Variants in NACC2 observed in about 807,000 individuals in gnomAD.
The protein encoded by NACC2 is NACC family member 2, also known as nucleus accumbens-associated protein 2.
A neutral mutation model predicts 25.1 loss-of-function variants in NACC2; 8 were observed. The observed-to-expected ratio is 0.32, with a 90% confidence interval of 0.19 to 0.57. The LOEUF (loss-of-function observed/expected upper bound fraction) is 0.57, where lower values mean the gene tolerates loss of function less well. Among genes scored for constraint, NACC2 ranks in the 20% least tolerant of loss-of-function variants. The probability of loss-of-function intolerance (pLI) is 0.89; values close to 1 mark genes in which losing one functional copy is unlikely to be tolerated. For synonymous variants in NACC2, 435 were observed against 294.7 expected, an observed-to-expected ratio of 1.48 and a Z score of -4.88; for missense variants, 644 against 650.2, an observed-to-expected ratio of 0.99 and a Z score of 0.10.
chr9:136,032,628 G>A (rs1840490545), intron 2 of NACC2, among the ~76,000 whole-genome samples: 1 of 152,232 alleles, frequency 6.6e-6, no homozygotes, highest in African/African-American at 2.4e-5. Context: ...CAGGCCTGGT[G>A]GCTCACGTAG....
intron 1 of NACC2, among the ~76,000 whole-genome samples, chr9:136,064,564 T>C (rs1458650359): frequency 1.3e-5 from 2 of 152,136 alleles, no homozygotes; most frequent in African/African-American, 4.8e-5. Flanking sequence ...TCTAAAGAAG[T>C]AAAACATCCA....
At chr9:136,067,446 G>A (rs927930999) in intron 1 of NACC2, among the ~76,000 whole-genome samples, 1 of 152,048 alleles carries the variant, frequency 6.6e-6, no homozygotes, top group Non-Finnish European at 1.5e-5. Context: ...TTAACGACGG[G>A]GATATATCCT....
At position 136,086,777 on chromosome 9, in the gene NACC2, T is replaced by A. The variant is rs1002476802; in HGVS notation, c.-60+8412A>T. Among the ~76,000 whole-genome samples, 2 of 152,124 alleles carry A rather than the reference T, an allele frequency of 1.3e-5. No individual in the cohort carries two copies. Among genetic ancestry groups the A allele is most frequent in the African/African-American group, 2.4e-5 (1 of 41,424 alleles). On this transcript the variant is annotated intron_variant, in intron 1 of 5. Transcript: ENST00000277554. The surrounding 1 kb of genome is among the most constrained non-coding windows in gnomAD (Gnocchi z 5.6). ...TGGGCCTGGAGCTGGCCAGCTGCACTGGTTTCACGCCCATCCAGGTGCCAT... is the reference window on the plus strand; with the variant it reads ...TGGGCCTGGAGCTGGCCAGCTGCACAGGTTTCACGCCCATCCAGGTGCCAT...
At chr9:136,031,278 C>T (rs913245989) in intron 2 of NACC2, among the ~76,000 whole-genome samples, 16 of 152,084 alleles carry the variant, frequency 1.1e-4, no homozygotes, top group African/African-American at 3.6e-4. Flanking sequence ...GAGATGAGAA[C>T]GTCGGTATCA....
At chr9:136,089,758 A>G (rs1486225891) in intron 1 of NACC2, among the ~76,000 whole-genome samples, 1 of 148,236 alleles carries the variant, frequency 6.7e-6, no homozygotes, top group Non-Finnish European at 1.5e-5. Flanking sequence ...CTCAACCTCT[A>G]TTTTCTTAAA....
chr9:136,062,064 G>A (rs1230675165), intron 1 of NACC2, among the ~76,000 whole-genome samples: 1 of 152,024 alleles, frequency 6.6e-6, no homozygotes, highest in Non-Finnish European at 1.5e-5. Context: ...AGGTTGCAAT[G>A]AGCCGAGATT....
intron 2 of NACC2, among the ~76,000 whole-genome samples, chr9:136,048,201 C>T (rs1420086503): frequency 1.3e-5 from 2 of 152,212 alleles, no homozygotes; most frequent in African/African-American, 4.8e-5. Flanking sequence ...AGAGCTCCTT[C>T]CCAACAGGGG....
intron 1 of NACC2, among the ~76,000 whole-genome samples, chr9:136,060,269 TAA>T (rs1840989476): frequency 6.6e-6 from 1 of 152,112 alleles, no homozygotes; most frequent in Non-Finnish European, 1.5e-5. Context: ...GAATCTTGTG[TAA>T]AAGAGGGAAA....
intron 1 of NACC2, among the ~76,000 whole-genome samples, chr9:136,068,437 T>C (rs1367403674): frequency 7.1e-6 from 1 of 141,480 alleles, no homozygotes. Context: ...AGGCAGAGGT[T>C]GCAGTGAGCC....
chr9:136,049,050 G>C (rs1370696084), intron 2 of NACC2, among the ~76,000 whole-genome samples: 1 of 152,232 alleles, frequency 6.6e-6, no homozygotes, highest in Admixed American at 6.5e-5. Flanking sequence ...AGTCTCCAGA[G>C]GCTGTAACCA....
chr9:136,077,557 A>G (rs1467772316), intron 1 of NACC2, among the ~76,000 whole-genome samples: 3 of 152,226 alleles, frequency 2.0e-5, no homozygotes, highest in Non-Finnish European at 4.4e-5. Context: ...GAGTATGGAA[A>G]GAATTCTACA....
At chr9:136,044,335 C>T (rs902005338) in intron 2 of NACC2, among the ~76,000 whole-genome samples, 225 of 152,270 alleles carry the variant, frequency 1.5e-3, no homozygotes, top group Non-Finnish European at 2.3e-3. Flanking sequence ...GACAATATAG[C>T]GAGACCCTGT....
intron 2 of NACC2, among the ~76,000 whole-genome samples, chr9:136,042,012 T>A (rs994606080): frequency 6.6e-6 from 1 of 152,002 alleles, no homozygotes; most frequent in Non-Finnish European, 1.5e-5. Context: ...TCTTTTTTTT[T>A]GAGACAGAGT....
chr9:136,036,237 T>C (rs1452480923), intron 2 of NACC2, among the ~76,000 whole-genome samples: 3 of 152,344 alleles, frequency 2.0e-5, no homozygotes, highest in Non-Finnish European at 2.9e-5. Context: ...CCTATGAGAA[T>C]GTGCCCAACG....
intron 2 of NACC2, among the ~76,000 whole-genome samples, chr9:136,040,621 C>T (rs1344994559): frequency 6.6e-6 from 1 of 152,012 alleles, no homozygotes; most frequent in African/African-American, 2.4e-5. Context: ...CACTACTGAA[C>T]TGATAAATAA....
At chr9:136,067,702 G>T (rs1404276296) in intron 1 of NACC2, among the ~76,000 whole-genome samples, 2 of 152,214 alleles carry the variant, frequency 1.3e-5, no homozygotes, top group East Asian at 3.9e-4. Context: ...GAGCGTGGTG[G>T]CGGGCACCTG....
Position 136,075,233 on chromosome 9 carries a change from G to T in NACC2, c.-60+19956C>A, listed in dbSNP as rs926803330. ...GACAGCTGTCACATGGCACCAGGGA[G>T]GTGGCCAGGACTCCAGGACACATTC... On this transcript the variant is annotated intron_variant, in intron 1 of 5. Coordinates refer to ENST00000277554, the MANE Select transcript of NACC2 (RefSeq NM_144653.5). Among the ~76,000 whole-genome samples, 3 of 152,340 alleles carry T rather than the reference G, an allele frequency of 2.0e-5. No individual in the cohort carries two copies. The East Asian group carries it at 5.8e-4, about 29-fold the overall frequency.
At position 136,013,159 on chromosome 9, in the gene NACC2, G is replaced by GCCCCCCCCCCCCCCCCCC; in HGVS notation, c.1255+39_1255+40insGGGGGGGGGGGGGGGGGG. 1 of 754,890 alleles carries GCCCCCCCCCCCCCCCCCC rather than the reference G, an allele frequency of 1.3e-6. No homozygotes were observed. Among genetic ancestry groups the GCCCCCCCCCCCCCCCCCC allele is most frequent in the South Asian group, 1.4e-5 (1 of 72,016 alleles). The allele number at this position is 754,890 out of a possible 1,614,324, so 46.8% of individuals were successfully genotyped here. ...CTCCTCAGGCTGGGATCTGAACCCA[G>GCCCCCCCCCCCCCCCCCC]CCCCGGCCCCACCCACCCGAGAGAC... On this transcript the variant is annotated intron_variant, in intron 5 of 5. Coordinates refer to ENST00000277554, the MANE Select transcript of NACC2 (RefSeq NM_144653.5). This position sits in a 1 kb window ranked among gnomAD's most constrained non-coding sequence, Gnocchi z 6.6.
Position 136,019,667 on chromosome 9 carries a change from G to A in NACC2, c.887-3238C>T, listed in dbSNP as rs1487718064. On this transcript the variant is annotated intron_variant, in intron 2 of 5. Transcript: ENST00000277554. This position sits in a 1 kb window ranked among gnomAD's most constrained non-coding sequence, Gnocchi z 5.2. The stretch of plus-strand genomic sequence containing the variant: ...AGAGGGCCCGGAGCAGCAGCCTCCC[G>A]GGCAGCAGGGCCCAGCTACTGAGGG... Among the ~76,000 whole-genome samples, 2 of 152,174 alleles carry A rather than the reference G, an allele frequency of 1.3e-5. No individual in the cohort carries two copies. The highest frequency in any genetic ancestry group is 2.9e-5 in the Non-Finnish European group (2 of 68,024).
Sources: allele counts gnomAD v4.1 joint callset (sites outside exome capture counted in the v4.1 genomes callset), GRCh38; gene constraint gnomAD v4.1.1; non-coding constraint Gnocchi (gnomAD v3.1); transcripts MANE v1.5; gene names NCBI Gene and HGNC (gene_info 2026-07-23, HGNC 2026-07-21).